The following PSG3 variants were observed in gnomAD, a reference collection of about 807,000 sequenced individuals.
The protein encoded by PSG3 is pregnancy-specific beta-1-glycoprotein 3.
A neutral mutation model predicts 47.5 loss-of-function variants in PSG3; 61 were observed. That is an observed-to-expected ratio of 1.28 (90% CI 1.05 to 1.59). The LOEUF (loss-of-function observed/expected upper bound fraction) is 1.59. Among genes scored for constraint, PSG3 ranks in the 40% most tolerant of loss-of-function variants. The probability of loss-of-function intolerance (pLI) is 0.00; values close to 1 mark genes in which losing one functional copy is unlikely to be tolerated. For missense variants in PSG3, 756 were observed against 524.0 expected, an observed-to-expected ratio of 1.44 and a Z score of -4.32; for synonymous variants, 263 against 198.4, an observed-to-expected ratio of 1.33 and a Z score of -2.74.
intron 2 of PSG3, among the ~76,000 whole-genome samples, chr19:42,738,102 A>G (rs71337592): frequency 0.014 from 2,115 of 152,320 alleles, 24 homozygotes; most frequent in Non-Finnish European, 0.019. Context: ...CTGATGGCCT[A>G]CAAAGCTTGT....
intron 2 of PSG3, chr19:42,734,131 G>T (rs965201078): frequency 3.9e-5 from 6 of 152,226 alleles, no homozygotes; most frequent in African/African-American, 1.4e-4. Context: ...GCGTTGTTCT[G>T]TGGGTGTGCG....
intron 5 of PSG3, among the ~76,000 whole-genome samples, chr19:42,728,098 G>A (rs17341685): frequency 2.6e-5 from 4 of 152,182 alleles, no homozygotes; most frequent in African/African-American, 9.7e-5. Flanking sequence ...AAGTAGAATG[G>A]TGGGTGCTAA....
intron 4 of PSG3, 75 bp from the exon 5 acceptor site, chr19:42,729,452 C>T: frequency 6.5e-7 from 1 of 1,549,414 alleles, no homozygotes; most frequent in Non-Finnish European, 8.7e-7. Context: ...TAAAGGGACA[C>T]AGTGACCCTC....
chr19:42,736,035 T>G (rs1335181853), intron 2 of PSG3, among the ~76,000 whole-genome samples: 1 of 152,232 alleles, frequency 6.6e-6, no homozygotes, highest in East Asian at 1.9e-4. Flanking sequence ...TTTAGTTTAT[T>G]GTTTAACTTT....
intron 2 of PSG3, among the ~76,000 whole-genome samples, chr19:42,736,471 C>T (rs979859155): frequency 6.6e-6 from 1 of 152,062 alleles, no homozygotes; most frequent in African/African-American, 2.4e-5. Context: ...AGTCCTGTGC[C>T]CCTGAAACTA....
intron 1 of PSG3, among the ~76,000 whole-genome samples, chr19:42,739,998 G>C (rs1021053435): frequency 1.3e-5 from 2 of 151,514 alleles, no homozygotes; most frequent in East Asian, 1.9e-4. Flanking sequence ...TGTCGCCCAG[G>C]CTGGCGTGCA....
At chr19:42,737,058 C>T (rs1207969473) in intron 2 of PSG3, among the ~76,000 whole-genome samples, 2 of 152,066 alleles carry the variant, frequency 1.3e-5, no homozygotes, top group Non-Finnish European at 2.9e-5. Context: ...GAGGCAGAGA[C>T]ACCATGGCAG....
chr19:42,738,584 T>G, intron 2 of PSG3, 140 bp downstream of exon 2: 1 of 1,516,134 alleles, frequency 6.6e-7, no homozygotes, highest in Non-Finnish European at 9.1e-7. Flanking sequence ...CTTCTGTGTG[T>G]GTCCTGCACT....
rs759525932 is a variant in PSG3 at position 42,729,952 on chromosome 19, T to A, written c.814A>T (p.Ile272Phe). Reference sequence around the variant, plus strand: ...AGGCTCTGACCATTTAGCCACCAAATGTAGGTGTAGTTCTCACTCTTAGGT... The same window carrying A: ...AGGCTCTGACCATTTAGCCACCAAAAGTAGGTGTAGTTCTCACTCTTAGGT... Reference protein sequence around the residue: ...CEPKSENYTYIWWLNGQSLPV... With the variant: ...CEPKSENYTYFWWLNGQSLPV... The change falls in exon 4 of 7, where the codon ATT becomes TTT. Residue 272 changes from isoleucine (I) to phenylalanine (F), a missense_variant. By Grantham distance (21) the Ile-to-Phe change is conservative. Transcript: ENST00000327495. The A allele has an allele frequency of 1.2e-6, 2 of 1,612,030 alleles. No individual in the cohort carries two copies. The highest frequency in any genetic ancestry group is 2.2e-4 in the Middle Eastern group (1 of 4,590).
intron 1 of PSG3, among the ~76,000 whole-genome samples, chr19:42,739,890 T>C (rs1032102943): frequency 7.9e-5 from 12 of 152,226 alleles, no homozygotes; most frequent in African/African-American, 1.9e-4. Flanking sequence ...CTGTCCCTCT[T>C]GGGTGTATTT....
chr19:42,729,588 C>G (rs1969436248), intron 4 of PSG3, among the ~76,000 whole-genome samples, 190 bp downstream of exon 4: 1 of 152,184 alleles, frequency 6.6e-6, no homozygotes, highest in Non-Finnish European at 1.5e-5. Flanking sequence ...ACAAGAGCGT[C>G]CCCTCCCCTT....
intron 5 of PSG3, among the ~76,000 whole-genome samples, chr19:42,725,454 G>C (rs1969361340): frequency 6.6e-6 from 1 of 151,816 alleles, no homozygotes; most frequent in Non-Finnish European, 1.5e-5. Context: ...AAAGAATAGA[G>C]GAAATTAATG....
intron 2 of PSG3, among the ~76,000 whole-genome samples, chr19:42,734,596 G>C (rs1396770058): frequency 2.6e-5 from 4 of 152,166 alleles, no homozygotes; most frequent in Non-Finnish European, 4.4e-5. Context: ...TCAATTGCTG[G>C]TAGTAGTATT....
chr19:42,734,332 C>G (rs538162721), intron 2 of PSG3: 39 of 152,240 alleles, frequency 2.6e-4, no homozygotes, highest in East Asian at 2.1e-3. Flanking sequence ...AATTTAAAAT[C>G]CACAATGCGC....
At chr19:42,737,432 G>A (rs1186945028) in intron 2 of PSG3, among the ~76,000 whole-genome samples, 1 of 152,128 alleles carries the variant, frequency 6.6e-6, no homozygotes, top group Admixed American at 6.5e-5. Flanking sequence ...AAGAAAACAA[G>A]GTCCTCTCCT....
At chr19:42,739,839 T>A (rs898249592) in intron 1 of PSG3, among the ~76,000 whole-genome samples, 2 of 152,224 alleles carry the variant, frequency 1.3e-5, no homozygotes, top group Non-Finnish European at 1.5e-5. Flanking sequence ...TTTTCCTACC[T>A]CTTACCAATT....
intron 5 of PSG3, among the ~76,000 whole-genome samples, chr19:42,725,123 G>A (rs1969356103): frequency 6.6e-6 from 1 of 152,200 alleles, no homozygotes; most frequent in Admixed American, 6.5e-5. Context: ...GGCTAATGAT[G>A]ATGGTAGTCA....
chr19:42,736,909 C>A (rs530652767), intron 2 of PSG3, among the ~76,000 whole-genome samples: 1 of 151,908 alleles, frequency 6.6e-6, no homozygotes, highest in African/African-American at 2.4e-5. Context: ...ACAGTGTTAG[C>A]GGGAAGGGAA....
At chr19:42,726,568 A>G (rs1969381205) in intron 5 of PSG3, among the ~76,000 whole-genome samples, 2 of 152,202 alleles carry the variant, frequency 1.3e-5, no homozygotes, top group South Asian at 4.1e-4. Context: ...AATATTTAGG[A>G]ATGAGTTTAA....
Sources: allele counts gnomAD v4.1 joint callset (sites outside exome capture counted in the v4.1 genomes callset), GRCh38; gene constraint gnomAD v4.1.1; transcripts MANE v1.5; gene names NCBI Gene and HGNC (gene_info 2026-07-23, HGNC 2026-07-21).